HOMER2: variants seen among roughly 807,000 people sequenced by gnomAD.
The protein encoded by HOMER2 is homer protein homolog 2.
HOMER2 carries 27 observed loss-of-function variants against 47.0 expected under a neutral mutation model. That is an observed-to-expected ratio of 0.57 (90% CI 0.42 to 0.79). HOMER2 has a LOEUF of 0.79. Among genes scored for constraint, HOMER2 ranks in the 30% least tolerant of loss-of-function variants. HOMER2 has a pLI of 0.00. For synonymous variants in HOMER2, 161 were observed against 163.8 expected (o/e 0.98, Z 0.13); for missense variants, 443 against 435.0 (o/e 1.02, Z -0.16).
intron 1 of HOMER2, among the ~76,000 whole-genome samples, chr15:82,893,230 C>A (rs970380343): frequency 6.6e-5 from 10 of 151,528 alleles, no homozygotes; most frequent in Admixed American, 4.6e-4. Context: ...GGGGATTCTG[C>A]AACAATTTTA....
chr15:82,962,295 G>A (rs1231703438), intron 1 of HOMER2, among the ~76,000 whole-genome samples: 1 of 151,058 alleles, frequency 6.6e-6, no homozygotes, highest in Non-Finnish European at 1.5e-5. Flanking sequence ...AACCTGGGAG[G>A]TGGAGCTTGC....
At chr15:82,975,947 T>C (rs2030186547) in intron 1 of HOMER2, among the ~76,000 whole-genome samples, 2 of 152,200 alleles carry the variant, frequency 1.3e-5, no homozygotes, top group Admixed American at 6.5e-5. Context: ...TGTGTGCCGG[T>C]ATCAAAGCAT....
intron 4 of HOMER2, among the ~76,000 whole-genome samples, chr15:82,860,945 A>AG (rs2051754592): frequency 4.0e-5 from 1 of 25,140 alleles, no homozygotes; most frequent in East Asian, 1.4e-3. Flanking sequence ...TCAAAGATAG[A>AG]AGATAGAAGA....
intron 1 of HOMER2, among the ~76,000 whole-genome samples, chr15:82,917,398 G>A (rs995862875): frequency 6.6e-6 from 1 of 152,208 alleles, no homozygotes; most frequent in African/African-American, 2.4e-5. Flanking sequence ...GCTGAGAGCA[G>A]AACAGCTGCC....
chr15:82,894,416 C>T (rs961108353), intron 1 of HOMER2, among the ~76,000 whole-genome samples: 2 of 152,078 alleles, frequency 1.3e-5, no homozygotes, highest in Admixed American at 6.6e-5. Flanking sequence ...GAAAAAAAGC[C>T]ATCAACGTGT....
At position 82,854,668 on chromosome 15, in the gene HOMER2, A is replaced by T. The variant is rs753821442; in HGVS notation, c.627T>A (p.Asp209Glu). 3.7e-6 allele frequency: 6 copies of T among 1,612,968 alleles called. No homozygotes were observed. The South Asian group carries it at 6.6e-5, about 18-fold the overall frequency. ...CCTTGTTGCGGAGCCGGTCATTCTC[A>T]TCACGGCAGATGGAGAACTGCCTCT... ...QWKRQFSICR[D>E]ENDRLRNKID... Residue 209 changes from aspartate (D) to glutamate (E), a missense_variant, in exon 6 of 9, where the codon GAT (aspartate) becomes GAA (glutamate). Asp to Glu is a conservative substitution (Grantham distance 45). Coordinates refer to ENST00000450735, the MANE Select transcript of HOMER2 (RefSeq NM_004839.4).
rs963763996 is a variant in HOMER2 at position 82,849,010 on chromosome 15, C to T, written c.*705G>A. 2 of 152,216 alleles carry T rather than the reference C, an allele frequency of 1.3e-5. No individual in the cohort carries two copies. The highest frequency in any genetic ancestry group is 2.9e-5 in the Non-Finnish European group (2 of 68,052). The allele number at this position is 152,216 out of a possible 1,614,324, so 9.4% of individuals were successfully genotyped here. A position where few individuals can be genotyped will look rare whatever the true frequency, so the allele number is the denominator to read the frequency against. On this transcript the variant is annotated 3_prime_UTR_variant, in exon 9 of 9. Transcript: ENST00000450735. ...TAATTGAACAAATATTTATTAAGCA[C>T]CTACTTTGTGCCAGACATTGTGCTA...
chr15:82,953,797 C>A (rs1379803221), upstream of HOMER2, among the ~76,000 whole-genome samples: 2 of 152,136 alleles, frequency 1.3e-5, no homozygotes, highest in East Asian at 3.9e-4. Flanking sequence ...GCACAAGAAT[C>A]GCGTGAACCT....
intron 1 of HOMER2, among the ~76,000 whole-genome samples, chr15:82,900,437 CATAAT>C (rs1453202138): frequency 6.6e-6 from 1 of 151,998 alleles, no homozygotes; most frequent in Admixed American, 6.6e-5. Flanking sequence ...ATAAATCTAA[CATAAT>C]AAAATTATTA....
At chr15:82,978,098 C>T (rs749507867) in intron 1 of HOMER2, among the ~76,000 whole-genome samples, 20 of 152,102 alleles carry the variant, frequency 1.3e-4, no homozygotes, top group Non-Finnish European at 2.2e-4. Context: ...TATGGCGAGT[C>T]GAGATCGTGC....
intron 1 of HOMER2, among the ~76,000 whole-genome samples, chr15:82,899,957 G>A (rs140957749): frequency 1.8e-4 from 27 of 152,150 alleles, no homozygotes; most frequent in Admixed American, 8.5e-4. Flanking sequence ...GGGAGGCGGC[G>A]GTTGCAGGGA....
chr15:82,967,223 C>T (rs1368279246), intron 1 of HOMER2, among the ~76,000 whole-genome samples: 3 of 152,014 alleles, frequency 2.0e-5, no homozygotes, highest in African/African-American at 7.2e-5. Context: ...TCCACTCCAG[C>T]CTGGGTGACA....
At chr15:82,903,350 C>T (rs2053187541) in intron 1 of HOMER2, among the ~76,000 whole-genome samples, 1 of 152,104 alleles carries the variant, frequency 6.6e-6, no homozygotes, top group Admixed American at 6.6e-5. Flanking sequence ...CGGTGGCTCT[C>T]GCCTGTAATC....
intron 1 of HOMER2, among the ~76,000 whole-genome samples, chr15:82,902,390 G>T (rs2053151269): frequency 6.6e-6 from 1 of 152,018 alleles, no homozygotes; most frequent in Admixed American, 6.6e-5. Flanking sequence ...TAGAGACAGG[G>T]TTTCACCATA....
intron 1 of HOMER2, among the ~76,000 whole-genome samples, chr15:82,916,290 T>C (rs2053586184): frequency 6.6e-6 from 1 of 152,154 alleles, no homozygotes; most frequent in African/African-American, 2.4e-5. Flanking sequence ...CAAATATATA[T>C]TAACTTAACA....
intron 1 of HOMER2, among the ~76,000 whole-genome samples, chr15:82,982,582 T>C (rs947121220): frequency 3.3e-5 from 5 of 152,212 alleles, no homozygotes; most frequent in Admixed American, 6.5e-5. Context: ...AATGCTCCAA[T>C]GAGCATTTCC....
chr15:82,855,325 CAAAAA>C (rs1162254209), intron 5 of HOMER2, among the ~76,000 whole-genome samples: 7 of 61,516 alleles, frequency 1.1e-4, no homozygotes, highest in East Asian at 5.9e-4. Flanking sequence ...ACTCCATCTC[CAAAAA>C]AAAAAAAAAA....
intron 1 of HOMER2, among the ~76,000 whole-genome samples, chr15:82,949,505 CT>C (rs2054458793): frequency 2.0e-5 from 3 of 152,072 alleles, no homozygotes; most frequent in South Asian, 4.2e-4. Flanking sequence ...TGGCAACCCC[CT>C]GGTCACCCAA....
At chr15:82,915,099 G>A (rs998948578) in intron 1 of HOMER2, among the ~76,000 whole-genome samples, 1 of 151,248 alleles carries the variant, frequency 6.6e-6, no homozygotes. Context: ...CTTGAGCCCA[G>A]GAATTCGAGG....
Sources: allele counts gnomAD v4.1 joint callset (sites outside exome capture counted in the v4.1 genomes callset), GRCh38; gene constraint gnomAD v4.1.1; transcripts MANE v1.5; gene names NCBI Gene and HGNC (gene_info 2026-07-23, HGNC 2026-07-21).